Variants in ABCC10 observed in about 807,000 individuals in gnomAD.
ABCC10 encodes ATP binding cassette subfamily C member 10.
In ABCC10, 110 loss-of-function variants were observed where a neutral mutation model predicts 143.2. The ratio of observed to expected loss-of-function variants is 0.77; its 90% CI spans 0.66 to 0.90. The LOEUF is 0.90. Ranked by LOEUF, ABCC10 falls within the 40% of genes least tolerant of loss-of-function variation. ABCC10 has a pLI of 0.00. For missense variants in ABCC10, 1,700 were observed against 1,900.5 expected (o/e 0.89, Z 1.96); for synonymous variants, 805 against 846.7 (o/e 0.95, Z 0.85).
intron 2 of ABCC10, 44 bp downstream of exon 2, chr6:43,428,183 A>C: frequency 4.1e-6 from 6 of 1,474,448 alleles, no homozygotes; most frequent in Non-Finnish European, 5.4e-6. Context: ...GTGTGCCTGC[A>C]GATCTCACCC....
chr6:43,450,465 G>A, downstream of ABCC10: 3 of 1,481,048 alleles, frequency 2.0e-6, no homozygotes, highest in Non-Finnish European at 2.7e-6. The surrounding 1 kb of genome is among the most constrained non-coding windows in gnomAD (Gnocchi z 4.5). Flanking sequence ...CAAGCTGAAG[G>A]GTGGTGAGAA....
At chr6:43,450,554 C>T (rs779338391), downstream of ABCC10, 4 of 1,563,954 alleles carry the variant, frequency 2.6e-6, no homozygotes, top group African/African-American at 5.4e-5. This position sits in a 1 kb window ranked among gnomAD's most constrained non-coding sequence, Gnocchi z 4.5. Context: ...GTGCTGTGGT[C>T]TTTCCAGGCT....
At chr6:43,444,710 C>CGGA in intron 12 of ABCC10, 78 bp from the exon 13 acceptor site, 2 of 1,504,492 alleles carry the variant, frequency 1.3e-6, no homozygotes, top group Non-Finnish European at 8.8e-7. Context: ...GAGGCAAGGG[C>CGGA]GGAGAAAGGG....
intron 9 of ABCC10, among the ~76,000 whole-genome samples, chr6:43,442,548 G>A (rs1271080392): frequency 2.0e-5 from 3 of 152,126 alleles, no homozygotes; most frequent in African/African-American, 7.2e-5. Context: ...TCCAGCCTGG[G>A]TGATGAGAAT....
intron 5 of ABCC10, 66 bp downstream of exon 5, chr6:43,435,973 T>A: frequency 6.2e-7 from 1 of 1,605,068 alleles, no homozygotes; most frequent in East Asian, 2.2e-5. Flanking sequence ...ACTTGGGTGC[T>A]GCGCATAGAT....
rs745706450 is a variant in ABCC10, at chr6:43,450,045, TGCAGAGCAGCCA to T, written c.4438_4449del (p.Ser1480_Gln1483del). On this transcript the variant is annotated inframe_deletion, in exon 22 of 22. Transcript: ENST00000372530. This position sits in a 1 kb window ranked among gnomAD's most constrained non-coding sequence, Gnocchi z 4.5. Reference sequence around the variant, plus strand: ...CCCCACTCCCTGTTCCAGCAGCTGCTGCAGAGCAGCCAGCAGGGAGTCCCTGCCTCACTCGGA... The same window carrying T: ...CCCCACTCCCTGTTCCAGCAGCTGCTGCAGGGAGTCCCTGCCTCACTCGGA... The T allele has an allele frequency of 6.2e-7, 1 of 1,611,710 alleles. No individual in the cohort carries two copies. Among genetic ancestry groups the T allele is most frequent in the South Asian group, 1.1e-5 (1 of 90,912 alleles).
chr6:43,436,035 T>C (rs895330708), intron 5 of ABCC10, 103 bp from the exon 6 acceptor site: 1 of 1,602,864 alleles, frequency 6.2e-7, no homozygotes. Context: ...TCATTTAGCT[T>C]TGGGCAGGTA....
At chr6:43,447,466 C>A in intron 17 of ABCC10, 58 bp downstream of exon 17, 1 of 1,578,818 alleles carries the variant, frequency 6.3e-7, no homozygotes, top group Non-Finnish European at 8.6e-7. Context: ...CCCCAGTCTC[C>A]CTCACAATTC....
intron 7 of ABCC10, chr6:43,438,304 G>A: frequency 2.9e-6 from 4 of 1,359,422 alleles, no homozygotes; most frequent in Non-Finnish European, 3.9e-6. Flanking sequence ...ATCCAGAGAG[G>A]AGCATAGGTT....
At chr6:43,438,297 CAG>C in intron 7 of ABCC10, 1 of 1,339,940 alleles carries the variant, frequency 7.5e-7, no homozygotes, top group Non-Finnish European at 9.8e-7. Context: ...AGAAGGGATC[CAG>C]AGAGGAGCAT....
intron 7 of ABCC10, 129 bp from the exon 8 acceptor site, chr6:43,438,495 G>A (rs1482370391): frequency 6.2e-6 from 9 of 1,454,648 alleles, no homozygotes; most frequent in Non-Finnish European, 3.6e-6. Flanking sequence ...TGCCATCTCA[G>A]TCATGTGACA....
intron 8 of ABCC10, 152 bp from the exon 9 acceptor site, chr6:43,441,710 C>A (rs942012255): frequency 1.7e-6 from 1 of 581,148 alleles, no homozygotes; most frequent in East Asian, 2.9e-5. Flanking sequence ...GGAATTATGT[C>A]TTGTCTCCTC....
rs1783137905 is a variant in ABCC10, at chr6:43,446,835, T to G, written c.3544+389T>G. The G allele has an allele frequency of 5.4e-6, 6 of 1,115,452 alleles. No homozygotes were observed. The South Asian group carries it at 1.5e-4, about 29-fold the overall frequency. The allele number at this position is 1,115,452 out of a possible 1,614,324, so 69.1% of individuals were successfully genotyped here. A position where few individuals can be genotyped will look rare whatever the true frequency, so the allele number is the denominator to read the frequency against. On this transcript the variant is annotated intron_variant, in intron 16 of 21. Coordinates refer to ENST00000372530, the MANE Select transcript of ABCC10 (RefSeq NM_001198934.2). ...CTAGGTCCTATCACCCTCCTGCTTC[T>G]CTGTTGCTTTTTTGTTTTGTTTTTT...
intron 21 of ABCC10, 124 bp downstream of exon 21, chr6:43,449,658 C>T (rs1783547402): frequency 2.3e-6 from 2 of 856,306 alleles, no homozygotes; most frequent in Admixed American, 5.5e-5. Context: ...ATCTCAGCTC[C>T]TCCTTCTCCA....
chr6:43,432,853 G>A lies in ABCC10; in HGVS notation c.873G>A (p.Leu291=), dbSNP rs765048084. The change falls in exon 3 of 22, where the codon CTG becomes CTA. Residue 291 remains leucine (L), a synonymous_variant. Coordinates refer to ENST00000372530, the MANE Select transcript of ABCC10 (RefSeq NM_001198934.2). The part of the protein sequence containing the change: ...FGRCYLALGL[L]KLVGTMLGFS... ...GGTGCTATCTGGCACTTGGACTGCT[G>A]AAGCTGGTGGGGACCATGTTGGGAT... 2 of 1,614,204 alleles carry A rather than the reference G, an allele frequency of 1.2e-6. No homozygotes were observed. Among genetic ancestry groups the A allele is most frequent in the Middle Eastern group, 1.6e-4 (1 of 6,062 alleles).
chr6:43,449,655 C>G (rs1783546381), intron 21 of ABCC10, 121 bp downstream of exon 21: 1 of 851,966 alleles, frequency 1.2e-6, no homozygotes, highest in Admixed American at 2.8e-5. Context: ...CAGATCTCAG[C>G]TCCTCCTTCT....
chr6:43,438,618 C>T lies in ABCC10; in HGVS notation c.1956-6C>T, dbSNP rs1305880030. On this transcript the variant is annotated splice_region_variant and splice_polypyrimidine_tract_variant and intron_variant, in intron 7 of 21. Transcript: ENST00000372530. ...GTCCTCATATTGCTCGCCTGGCTCT[C>T]TGCAGGCTGCGTGGGCATGTGGCAG... is the stretch of plus-strand genomic sequence containing the variant. The T allele has an allele frequency of 1.9e-6, 3 of 1,613,494 alleles. No homozygotes were observed. The South Asian group carries it at 3.3e-5, about 18-fold the overall frequency.
intron 9 of ABCC10, 129 bp from the exon 10 acceptor site, chr6:43,442,828 CCACCCTCAGGTCT>C (rs1782618635): frequency 1.4e-6 from 1 of 704,086 alleles, no homozygotes; most frequent in African/African-American, 1.8e-5. Context: ...GAAGGGATGT[CCACCCTCAGGTCT>C]CACCTCCTTC....
At chr6:43,429,685 A>C (rs2127379018) in intron 2 of ABCC10, among the ~76,000 whole-genome samples, 1 of 152,324 alleles carries the variant, frequency 6.6e-6, no homozygotes, top group South Asian at 2.1e-4. Flanking sequence ...GTTCGAGACC[A>C]GCCTGCCAAC....
Sources: allele counts gnomAD v4.1 joint callset (sites outside exome capture counted in the v4.1 genomes callset), GRCh38; gene constraint gnomAD v4.1.1; non-coding constraint Gnocchi (gnomAD v3.1); transcripts MANE v1.5; gene names NCBI Gene and HGNC (gene_info 2026-07-23, HGNC 2026-07-21).